TLL1: variants seen among roughly 807,000 people sequenced by gnomAD.
TLL1 encodes the protein tolloid-like protein 1.
In TLL1, 49 loss-of-function variants were observed where a neutral mutation model predicts 128.2. That is an observed-to-expected ratio of 0.38 (90% CI 0.30 to 0.48). The LOEUF (loss-of-function observed/expected upper bound fraction) is 0.48. Among genes scored for constraint, TLL1 ranks in the 20% least tolerant of loss-of-function variants. The pLI is 0.96. For missense variants in TLL1, 1,123 were observed against 1,242.0 expected (o/e 0.90, Z 1.44); for synonymous variants, 454 against 418.8 (o/e 1.08, Z -1.03).
chr4:166,086,063 T>C (rs532377161), intron 18 of TLL1, among the ~76,000 whole-genome samples: 1 of 152,246 alleles, frequency 6.6e-6, no homozygotes, highest in Non-Finnish European at 1.5e-5. Context: ...AAAAGATATT[T>C]AGATGATCTA....
At chr4:166,054,201 CA>C (rs11367098) in intron 12 of TLL1, among the ~76,000 whole-genome samples, 66,469 of 151,730 alleles carry the variant, frequency 0.44, 14,636 homozygotes, top group East Asian at 0.5. Context: ...AAGGGAAAAC[CA>C]CTGTTGATTC....
At chr4:165,945,229 T>G (rs1734190873) in intron 1 of TLL1, among the ~76,000 whole-genome samples, 1 of 152,050 alleles carries the variant, frequency 6.6e-6, no homozygotes, top group Non-Finnish European at 1.5e-5. Context: ...TTTAGTGATG[T>G]GAATGGGACA....
intron 8 of TLL1, among the ~76,000 whole-genome samples, chr4:166,018,879 A>G (rs1738077677): frequency 6.6e-6 from 1 of 152,192 alleles, no homozygotes; most frequent in African/African-American, 2.4e-5. Context: ...CTTCAGCCAT[A>G]TTGGAAAGCA....
At chr4:165,962,738 AAAG>A (rs1469998127) in intron 1 of TLL1, among the ~76,000 whole-genome samples, 1 of 152,130 alleles carries the variant, frequency 6.6e-6, no homozygotes. Context: ...TAAAGAAAAG[AAAG>A]AAATCATGTT....
chr4:165,942,055 G>A (rs572764399), intron 1 of TLL1, among the ~76,000 whole-genome samples: 1 of 152,064 alleles, frequency 6.6e-6, no homozygotes, highest in Admixed American at 6.6e-5. Context: ...ATGGAAATGG[G>A]CACTCAGAGA....
intron 19 of TLL1, 104 bp downstream of exon 19, chr4:166,091,445 G>T (rs925863315): frequency 2.4e-5 from 24 of 985,916 alleles, no homozygotes; most frequent in Non-Finnish European, 3.3e-5. Context: ...TCCAAGCATA[G>T]CAGATAAAAT....
At position 165,895,633 on chromosome 4, in the gene TLL1, T is replaced by TAAAAAAAAAAAAAAAAA. The variant is rs57920393; in HGVS notation, c.169+21573_169+21589dup. ...CCAAAAAGCTCAGTAAGACTTTTTG[T>TAAAAAAAAAAAAAAAAA]AAAAAAAAAAAAAAAAAAAAAAAAA... On this transcript the variant is annotated intron_variant, in intron 1 of 20. Transcript: ENST00000061240. 4.4e-5 allele frequency among the ~76,000 whole-genome samples: 3 copies of TAAAAAAAAAAAAAAAAA among 68,456 alleles called. 1 individual carries two copies. The highest frequency in any genetic ancestry group is 3.0e-4 in the African/African-American group (3 of 9,914). The allele number at this position is 68,456 out of a possible 152,430, so 44.9% of individuals were successfully genotyped here.
intron 1 of TLL1, among the ~76,000 whole-genome samples, chr4:165,894,961 T>A (rs1164882889): frequency 2.0e-5 from 3 of 151,930 alleles, no homozygotes; most frequent in Non-Finnish European, 4.4e-5. Flanking sequence ...TATATAATTT[T>A]AAAATTATAT....
intron 17 of TLL1, 58 bp downstream of exon 17, chr4:166,075,061 A>C: frequency 1.2e-6 from 2 of 1,603,122 alleles, no homozygotes; most frequent in South Asian, 2.2e-5. Context: ...GGTTTGGGTA[A>C]AGCACTGCTT....
chr4:166,042,110 T>A lies in TLL1; in HGVS notation c.1345T>A (p.Trp449Arg), dbSNP rs781545142. The change falls in exon 11 of 21, where the codon TGG becomes AGG. Residue 449 changes from tryptophan (W) to arginine (R), a missense_variant. By Grantham distance (101) the Trp-to-Arg change is moderately radical (BLOSUM62 -3). Transcript: ENST00000061240. ...GATTGAGTTTCGTAGCAGCAGTAAT[T>A]GGGTAGGAAAAGGCTTTGCAGCTGT... ...MWIEFRSSSNWVGKGFAAVYE... is the reference protein window; with the variant it reads ...MWIEFRSSSNRVGKGFAAVYE... 1 of 1,612,124 alleles carries A rather than the reference T, an allele frequency of 6.2e-7. No homozygotes were observed.
At chr4:165,973,497 CT>C (rs1401615138) in intron 1 of TLL1, among the ~76,000 whole-genome samples, 2 of 151,886 alleles carry the variant, frequency 1.3e-5, no homozygotes, top group Admixed American at 1.3e-4. Flanking sequence ...CCCTTGCTTC[CT>C]GTTTCAGGTG....
intron 19 of TLL1, among the ~76,000 whole-genome samples, chr4:166,092,163 T>A (rs924732929): frequency 2.0e-5 from 3 of 152,106 alleles, no homozygotes; most frequent in Non-Finnish European, 2.9e-5. Flanking sequence ...AAACACAGTA[T>A]AAAAACAATA....
Position 165,934,197 on chromosome 4 carries a change from T to C in TLL1, c.170-55184T>C, listed in dbSNP as rs573701468. ...GCTTTTTTTTTTTTTTTTTTTTTAGTAGGGACGGGGTTTCACCATGTTGGC... is the reference window on the plus strand; with the variant it reads ...GCTTTTTTTTTTTTTTTTTTTTTAGCAGGGACGGGGTTTCACCATGTTGGC... On this transcript the variant is annotated intron_variant, in intron 1 of 20. Coordinates refer to ENST00000061240, the MANE Select transcript of TLL1 (RefSeq NM_012464.5). Among the ~76,000 whole-genome samples the C allele has an allele frequency of 2.2e-5, 3 of 135,506 alleles. No individual in the cohort carries two copies. The South Asian group carries it at 7.0e-4, about 32-fold the overall frequency. The allele number at this position is 135,506 out of a possible 152,430, so 88.9% of individuals were successfully genotyped here.
At chr4:165,939,057 A>C (rs1177081339) in intron 1 of TLL1, among the ~76,000 whole-genome samples, 1 of 151,576 alleles carries the variant, frequency 6.6e-6, no homozygotes, top group African/African-American at 2.4e-5. Context: ...GATGGTTCTT[A>C]ATGATGTAAT....
At chr4:166,067,459 C>T (rs1478566688) in intron 16 of TLL1, among the ~76,000 whole-genome samples, 1 of 151,592 alleles carries the variant, frequency 6.6e-6, no homozygotes, top group African/African-American at 2.4e-5. Context: ...GCTCTGAAGC[C>T]TTGTGCAGAA....
chr4:166,085,657 A>G (rs1741478821), intron 18 of TLL1, among the ~76,000 whole-genome samples: 1 of 151,974 alleles, frequency 6.6e-6, no homozygotes, highest in South Asian at 2.1e-4. Flanking sequence ...GATCTTTTCA[A>G]TGTGCTGTTG....
chr4:165,887,102 G>A (rs1034441744), intron 1 of TLL1, among the ~76,000 whole-genome samples: 1 of 152,200 alleles, frequency 6.6e-6, no homozygotes, highest in Admixed American at 6.5e-5. Context: ...ATAGTGTAAA[G>A]GGATCTTTAG....
chr4:165,972,753 G>A (rs544918597), intron 1 of TLL1, among the ~76,000 whole-genome samples: 62 of 152,128 alleles, frequency 4.1e-4, no homozygotes, highest in Non-Finnish European at 5.4e-4. Flanking sequence ...ATCTTTTCAG[G>A]ATTCCATCAT....
intron 1 of TLL1, among the ~76,000 whole-genome samples, chr4:165,879,158 G>T (rs1056835847): frequency 3.3e-5 from 5 of 151,574 alleles, no homozygotes; most frequent in African/African-American, 1.2e-4. Context: ...TGTTGCCTAG[G>T]CTGGTCTTGA....
Sources: gnomAD v4.1 joint callset for allele counts (sites outside exome capture counted in the v4.1 genomes callset) on GRCh38, gnomAD v4.1.1 for gene constraint, MANE v1.5 for transcripts, NCBI Gene and HGNC (gene_info 2026-07-23, HGNC 2026-07-21) for gene names.